Variants in KLHL2 observed in about 807,000 individuals in gnomAD.
KLHL2 encodes the protein kelch-like protein 2.
KLHL2 carries 15 observed loss-of-function variants against 75.8 expected under a neutral mutation model. The observed-to-expected ratio is 0.20, with a 90% CI of 0.13 to 0.30. KLHL2 has a LOEUF of 0.30. KLHL2 is among the 10% of genes least tolerant of loss of function. The pLI is 1.00. For synonymous variants in KLHL2, 214 were observed against 251.9 expected, an observed-to-expected ratio of 0.85 and a Z score of 1.42; for missense variants, 381 against 741.0, an observed-to-expected ratio of 0.51 and a Z score of 5.64.
chr4:165,322,194 C>A lies in KLHL2; in HGVS notation c.*134C>A. On this transcript the variant is annotated 3_prime_UTR_variant, in exon 15 of 15. Coordinates refer to ENST00000226725, the MANE Select transcript of KLHL2 (RefSeq NM_007246.4). ...CTCAGCAGAAGATACGATCGTCTGC[C>A]TTTATAGGCCTCAGATACTGAAGAT... The A allele has an allele frequency of 2.5e-6, 2 of 812,168 alleles. No homozygotes were observed. Among genetic ancestry groups the A allele is most frequent in the South Asian group, 1.5e-5 (1 of 67,276 alleles). 50.3% of individuals were successfully genotyped at this position (812,168 alleles called of 1,614,324 possible).
At chr4:165,285,996 G>C (rs1191297665) in intron 5 of KLHL2, among the ~76,000 whole-genome samples, 4 of 152,190 alleles carry the variant, frequency 2.6e-5, no homozygotes, top group Non-Finnish European at 5.9e-5. Flanking sequence ...AAGGTTCTCA[G>C]ATTGGGCAAG....
rs763554355 is a variant in KLHL2, at chr4:165,319,236, G to A, written c.1753+1267G>A. Reference sequence around the variant, plus strand: ...TGAAAGAGCAGTTTGTCTCTTCAGCGATGCGTATCTCAGTAAAAAGTTCTC... The same window carrying A: ...TGAAAGAGCAGTTTGTCTCTTCAGCAATGCGTATCTCAGTAAAAAGTTCTC... On this transcript the variant is annotated intron_variant, in intron 14 of 14. Coordinates refer to ENST00000226725, the MANE Select transcript of KLHL2 (RefSeq NM_007246.4). The surrounding 1 kb of genome is among the most constrained non-coding windows in gnomAD (Gnocchi z 4.5). Among the ~76,000 whole-genome samples, 11 of 152,146 alleles carry A rather than the reference G, an allele frequency of 7.2e-5. No homozygotes were observed. The highest frequency in any genetic ancestry group is 1.3e-4 in the Non-Finnish European group (9 of 68,040).
intron 1 of KLHL2, among the ~76,000 whole-genome samples, chr4:165,218,746 GA>G (rs1284644979): frequency 6.6e-6 from 1 of 152,180 alleles, no homozygotes; most frequent in East Asian, 1.9e-4. Flanking sequence ...ATGAATTAAT[GA>G]ACGATAATGT....
intron 5 of KLHL2, among the ~76,000 whole-genome samples, chr4:165,276,984 T>C (rs538587369): frequency 5.9e-5 from 9 of 152,286 alleles, no homozygotes; most frequent in African/African-American, 2.2e-4. Context: ...ATAAGAAATA[T>C]AGTTGAAGTC....
Position 165,260,578 on chromosome 4 carries a change from G to GTGT in KLHL2, c.382-2619_382-2618insTGT, listed in dbSNP as rs201581596. Among the ~76,000 whole-genome samples, 8 of 147,762 alleles carry GTGT rather than the reference G, an allele frequency of 5.4e-5. No homozygotes were observed. In the South Asian group the frequency reaches 1.1e-3, roughly 19 times the overall value. On this transcript the variant is annotated intron_variant, in intron 4 of 14. Transcript: ENST00000226725. ...TACACACACATATATGTGTGTGTGTGGGGGGGGTGTATATGTTAGCATAAT... is the reference window on the plus strand; with the variant it reads ...TACACACACATATATGTGTGTGTGTGTGTGGGGGGGTGTATATGTTAGCATAAT...
intron 12 of KLHL2, 42 bp from the exon 13 acceptor site, chr4:165,313,984 T>A (rs1579189012): frequency 1.9e-6 from 3 of 1,585,690 alleles, no homozygotes; most frequent in East Asian, 4.5e-5. Flanking sequence ...TATAAATCTC[T>A]TGTTCTTTTT....
chr4:165,306,545 T>G (rs576330805), intron 9 of KLHL2, among the ~76,000 whole-genome samples: 17 of 152,358 alleles, frequency 1.1e-4, no homozygotes, highest in Non-Finnish European at 2.4e-4. Context: ...TAAAAGGATA[T>G]GCCAATTATT....
chr4:165,320,876 G>A (rs1177436482), intron 14 of KLHL2, among the ~76,000 whole-genome samples: 1 of 152,172 alleles, frequency 6.6e-6, no homozygotes, highest in Non-Finnish European at 1.5e-5. Context: ...AGAAATTCAA[G>A]AGCTAATAGA....
chr4:165,309,478 C>T (rs1745988033), intron 9 of KLHL2, among the ~76,000 whole-genome samples: 1 of 152,126 alleles, frequency 6.6e-6, no homozygotes, highest in South Asian at 2.1e-4. Flanking sequence ...TCTCTTTAGC[C>T]CAAGGATCAG....
At chr4:165,310,492 T>C in intron 9 of KLHL2, 61 bp from the exon 10 acceptor site, 1 of 1,370,508 alleles carries the variant, frequency 7.3e-7, no homozygotes, top group South Asian at 1.2e-5. Flanking sequence ...GAAAGCAATC[T>C]TTGGATATTG....
At chr4:165,243,537 C>T (rs747406844) in intron 4 of KLHL2, among the ~76,000 whole-genome samples, 49 of 152,304 alleles carry the variant, frequency 3.2e-4, no homozygotes, top group Admixed American at 1.0e-3. Context: ...TTATTTGAGA[C>T]GGACACTTTC....
chr4:165,230,168 TAGAG>T (rs909920389), intron 3 of KLHL2, among the ~76,000 whole-genome samples: 7 of 152,140 alleles, frequency 4.6e-5, no homozygotes, highest in Non-Finnish European at 5.9e-5. Flanking sequence ...GACACTTTTC[TAGAG>T]AGAGAGAGTC....
chr4:165,277,690 G>A (rs1177675767), intron 5 of KLHL2: 4 of 522,332 alleles, frequency 7.7e-6, no homozygotes, highest in African/African-American at 1.9e-5. Context: ...GGATGTTATG[G>A]CAATGGAGGG....
chr4:165,234,390 G>C (rs1739158072), intron 3 of KLHL2, among the ~76,000 whole-genome samples: 1 of 152,118 alleles, frequency 6.6e-6, no homozygotes, highest in African/African-American at 2.4e-5. Context: ...AGCATAGTCA[G>C]AGTTTCTGTG....
At position 165,309,865 on chromosome 4, in the gene KLHL2, G is replaced by C. The variant is rs146120078; in HGVS notation, c.1040-688G>C. The stretch of plus-strand genomic sequence containing the variant: ...TACGTTATGCAAATAAATTATAAGC[G>C]TATGGAGTTTCATTCTAAGAATATC... On this transcript the variant is annotated intron_variant, in intron 9 of 14. Transcript: ENST00000226725. 9.6e-4 allele frequency among the ~76,000 whole-genome samples: 146 copies of C among 152,238 alleles called. 1 individual carries two copies. The highest frequency in any genetic ancestry group is 3.1e-3 in the African/African-American group (128 of 41,556).
intron 1 of KLHL2, among the ~76,000 whole-genome samples, chr4:165,212,268 G>A (rs1371352493): frequency 5.3e-5 from 8 of 152,110 alleles, no homozygotes; most frequent in Admixed American, 2.0e-4. Context: ...AATGAAGCAG[G>A]ATAAAAGGGT....
At chr4:165,279,471 C>G in intron 5 of KLHL2, 1 of 1,596,308 alleles carries the variant, frequency 6.3e-7, no homozygotes, top group South Asian at 1.1e-5. Flanking sequence ...TGTAGAATTT[C>G]CTTAGGGTCC....
chr4:165,303,777 G>C (rs1455656317), intron 8 of KLHL2, among the ~76,000 whole-genome samples: 2 of 151,980 alleles, frequency 1.3e-5, no homozygotes, highest in Non-Finnish European at 2.9e-5. Flanking sequence ...TGGCCAGGCT[G>C]GTCTCGAACT....
chr4:165,318,785 T>G (rs1315084778), intron 14 of KLHL2, among the ~76,000 whole-genome samples: 1 of 151,786 alleles, frequency 6.6e-6, no homozygotes, highest in Non-Finnish European at 1.5e-5. Context: ...TCAATAATTA[T>G]GTTGGAAAAA....
Sources: allele counts gnomAD v4.1 joint callset (sites outside exome capture counted in the v4.1 genomes callset), GRCh38; gene constraint gnomAD v4.1.1; non-coding constraint Gnocchi (gnomAD v3.1); transcripts MANE v1.5; gene names NCBI Gene and HGNC (gene_info 2026-07-23, HGNC 2026-07-21).